Variants in STAG1 observed in about 807,000 individuals in gnomAD.
STAG1 encodes cohesin subunit SA-1.
Under a neutral mutation model 170.9 loss-of-function variants are expected in STAG1, and 26 were observed. The ratio of observed to expected loss-of-function variants is 0.15; its 90% confidence interval spans 0.11 to 0.21. The LOEUF is 0.21. Ranked by LOEUF, STAG1 falls within the 10% of genes least tolerant of loss-of-function variation. The pLI is 1.00. For synonymous variants in STAG1, 514 were observed against 497.7 expected (o/e 1.03, Z -0.44); for missense variants, 964 against 1,509.5 (o/e 0.64, Z 5.99).
chr3:136,397,083 G>A lies in STAG1; in HGVS notation c.2277+1666C>T, dbSNP rs552077337. On this transcript the variant is annotated intron_variant, in intron 22 of 33. Coordinates refer to ENST00000383202, the MANE Select transcript of STAG1 (RefSeq NM_005862.3). ...CAAGCTGTTTGTTCTATATGCAAAT[G>A]CATTACTCATCTTTACTGGTTAAAC... is the stretch of plus-strand genomic sequence containing the variant. Among the ~76,000 whole-genome samples, 55 of 152,282 alleles carry A rather than the reference G, an allele frequency of 3.6e-4. 1 individual carries two copies. In the South Asian group the frequency reaches 0.011, roughly 30 times the overall value.
intron 5 of STAG1, among the ~76,000 whole-genome samples, chr3:136,551,428 A>ATTTTTT (rs57299539): frequency 0.75 from 87,436 of 116,816 alleles, 33,249 homozygotes; most frequent in East Asian, 0.94. Context: ...CATCTGGCTA[A>ATTTTTT]TTTTTTTTTT....
rs141977217 is a variant in STAG1 at position 136,732,676 on chromosome 3, C to T, written c.-84+19519G>A. Among the ~76,000 whole-genome samples the T allele has an allele frequency of 9.7e-4, 147 of 152,236 alleles. 1 individual carries two copies. Among genetic ancestry groups the T allele is most frequent in the African/African-American group, 3.5e-3 (144 of 41,552 alleles). On this transcript the variant is annotated intron_variant, in intron 1 of 33. Coordinates refer to ENST00000383202, the MANE Select transcript of STAG1 (RefSeq NM_005862.3). ...CCAGGCTAGAGTGCAGCGGCGCAATCTCAGCTCACTGCAACCTCTACCTCC... is the reference window on the plus strand; with the variant it reads ...CCAGGCTAGAGTGCAGCGGCGCAATTTCAGCTCACTGCAACCTCTACCTCC...
intron 1 of STAG1, among the ~76,000 whole-genome samples, chr3:136,674,428 G>A (rs1434566268): frequency 6.6e-6 from 1 of 152,182 alleles, no homozygotes; most frequent in Non-Finnish European, 1.5e-5. Context: ...CCATCTATGT[G>A]AAATTCTGTA....
chr3:136,662,680 A>C (rs988746279), intron 1 of STAG1, among the ~76,000 whole-genome samples: 1 of 152,122 alleles, frequency 6.6e-6, no homozygotes, highest in Non-Finnish European at 1.5e-5. Context: ...CCAGGGCTCA[A>C]GCGAGTCCCC....
At chr3:136,441,073 C>G (rs1478332288) in intron 15 of STAG1, among the ~76,000 whole-genome samples, 7 of 149,048 alleles carry the variant, frequency 4.7e-5, no homozygotes, top group Non-Finnish European at 8.9e-5. Flanking sequence ...CACTCTGTTG[C>G]CCAGGGTGGA....
At chr3:136,620,638 G>A (rs1413890269) in intron 3 of STAG1, among the ~76,000 whole-genome samples, 1 of 152,218 alleles carries the variant, frequency 6.6e-6, no homozygotes, top group Admixed American at 6.5e-5. Context: ...AATTCAGGAA[G>A]TTGTTTATGT....
chr3:136,700,774 A>G (rs752758620), intron 1 of STAG1, among the ~76,000 whole-genome samples: 7 of 151,888 alleles, frequency 4.6e-5, no homozygotes, highest in Non-Finnish European at 2.9e-5. Flanking sequence ...ATATGAATCA[A>G]CGATCCTGTT....
At chr3:136,564,047 T>C (rs1936959065) in intron 5 of STAG1, among the ~76,000 whole-genome samples, 1 of 151,916 alleles carries the variant, frequency 6.6e-6, no homozygotes, top group South Asian at 2.1e-4. Flanking sequence ...GGAAAATCCC[T>C]ACTTCCATTC....
chr3:136,684,776 C>CA (rs772542086), intron 1 of STAG1, among the ~76,000 whole-genome samples: 3,177 of 63,188 alleles, frequency 0.05, 77 homozygotes, highest in Non-Finnish European at 0.063. Context: ...ACCCTGTCTC[C>CA]AAAAAAAAAA....
intron 1 of STAG1, among the ~76,000 whole-genome samples, chr3:136,709,410 G>A (rs1943323123): frequency 6.6e-6 from 1 of 152,002 alleles, no homozygotes; most frequent in Non-Finnish European, 1.5e-5. Context: ...TTACATAGAA[G>A]AACTCCAGTT....
chr3:136,637,828 G>C lies in STAG1; in HGVS notation c.-83-6847C>G, dbSNP rs575076469. ...AGGAATGTAAGTTTCATGAGGGAAGGTATTGTTTGTCCTTTTTGTTCACTT... is the reference window on the plus strand; with the variant it reads ...AGGAATGTAAGTTTCATGAGGGAAGCTATTGTTTGTCCTTTTTGTTCACTT... On this transcript the variant is annotated intron_variant, in intron 1 of 33. Transcript: ENST00000383202. Among the ~76,000 whole-genome samples, 6 of 152,098 alleles carry C rather than the reference G, an allele frequency of 3.9e-5. No individual in the cohort carries two copies. The East Asian group carries it at 9.7e-4, about 25-fold the overall frequency.
intron 1 of STAG1, among the ~76,000 whole-genome samples, chr3:136,649,115 C>G (rs1253041593): frequency 6.6e-6 from 1 of 152,146 alleles, no homozygotes; most frequent in African/African-American, 2.4e-5. Context: ...TGGTTCAGAC[C>G]TCCATGCCTT....
chr3:136,615,269 C>T (rs1055795746), intron 3 of STAG1, among the ~76,000 whole-genome samples: 5 of 151,638 alleles, frequency 3.3e-5, no homozygotes, highest in African/African-American at 1.2e-4. Flanking sequence ...CAGATAGATA[C>T]CTGACTAAAA....
chr3:136,666,232 G>C (rs1576737274), intron 1 of STAG1, among the ~76,000 whole-genome samples: 1 of 151,726 alleles, frequency 6.6e-6, no homozygotes, highest in East Asian at 1.9e-4. Flanking sequence ...CCAACAATCT[G>C]AACAATCAAG....
intron 1 of STAG1, among the ~76,000 whole-genome samples, chr3:136,714,014 ACTCT>A (rs535331342): frequency 7.3e-4 from 111 of 151,702 alleles, no homozygotes; most frequent in Middle Eastern, 3.4e-3. Flanking sequence ...ACAGAGCAAG[ACTCT>A]CTCTCAAAAA....
intron 4 of STAG1, among the ~76,000 whole-genome samples, chr3:136,572,792 G>A (rs1402113305): frequency 6.6e-6 from 1 of 152,044 alleles, no homozygotes; most frequent in East Asian, 1.9e-4. Context: ...AAATGATACT[G>A]ACCCTGATAT....
At chr3:136,390,433 C>T (rs537609575) in intron 22 of STAG1, among the ~76,000 whole-genome samples, 2 of 152,178 alleles carry the variant, frequency 1.3e-5, no homozygotes, top group African/African-American at 4.8e-5. Flanking sequence ...TAAACAAGAC[C>T]TGTATCTTTC....
At chr3:136,539,328 A>C (rs1006235966) in intron 6 of STAG1, among the ~76,000 whole-genome samples, 5 of 152,196 alleles carry the variant, frequency 3.3e-5, no homozygotes, top group African/African-American at 1.2e-4. Context: ...GCTGAAATGG[A>C]TAAATTTAGA....
chr3:136,584,844 A>C (rs546575117), intron 4 of STAG1, among the ~76,000 whole-genome samples: 7 of 152,308 alleles, frequency 4.6e-5, no homozygotes, highest in African/African-American at 1.7e-4. Context: ...TTAATGCTGC[A>C]AACAGCATGA....
Sources: gnomAD v4.1 joint callset for allele counts (sites outside exome capture counted in the v4.1 genomes callset) on GRCh38, gnomAD v4.1.1 for gene constraint, MANE v1.5 for transcripts, NCBI Gene and HGNC (gene_info 2026-07-23, HGNC 2026-07-21) for gene names.